The following TAF3 variants were observed in gnomAD, a reference collection of about 807,000 sequenced individuals.
The protein encoded by TAF3 is transcription initiation factor TFIID subunit 3.
In TAF3, 7 loss-of-function variants were observed where a neutral mutation model predicts 80.6. The observed-to-expected ratio is 0.09, with a 90% CI of 0.05 to 0.16. The LOEUF (loss-of-function observed/expected upper bound fraction) is 0.16, where lower values mean the gene tolerates loss of function less well. Among genes scored for constraint, TAF3 ranks in the 10% least tolerant of loss-of-function variants. TAF3 has a pLI of 1.00. For missense variants in TAF3, 921 were observed against 1,140.2 expected, an observed-to-expected ratio of 0.81 and a Z score of 2.77; for synonymous variants, 444 against 446.1, an observed-to-expected ratio of 1.00 and a Z score of 0.06.
chr10:7,919,593 C>G (rs989442543), intron 2 of TAF3, among the ~76,000 whole-genome samples: 1 of 152,080 alleles, frequency 6.6e-6, no homozygotes, highest in Non-Finnish European at 1.5e-5. Flanking sequence ...CAGGACCCCC[C>G]ATAGAGAATC....
chr10:7,952,353 A>C (rs761989646), intron 2 of TAF3, among the ~76,000 whole-genome samples: 1 of 152,228 alleles, frequency 6.6e-6, no homozygotes, highest in Non-Finnish European at 1.5e-5. Context: ...TAACGATAGC[A>C]ATTTATTGTA....
chr10:7,937,723 A>T (rs1462011809), intron 2 of TAF3, among the ~76,000 whole-genome samples: 1 of 152,250 alleles, frequency 6.6e-6, no homozygotes, highest in East Asian at 1.9e-4. Context: ...AGGGAATAGT[A>T]ATAGTCACAG....
chr10:7,920,581 C>T (rs1401976968), intron 2 of TAF3, among the ~76,000 whole-genome samples: 1 of 152,066 alleles, frequency 6.6e-6, no homozygotes, highest in Non-Finnish European at 1.5e-5. Context: ...CTGTATTATT[C>T]ACAGAAACAG....
intron 2 of TAF3, among the ~76,000 whole-genome samples, chr10:7,949,901 A>G (rs944599892): frequency 2.6e-5 from 4 of 152,206 alleles, no homozygotes; most frequent in African/African-American, 7.2e-5. Context: ...GCGCATCACC[A>G]CTGCCTGTCC....
chr10:8,004,454 A>ATTT (rs921072850), intron 4 of TAF3, among the ~76,000 whole-genome samples: 12 of 152,118 alleles, frequency 7.9e-5, no homozygotes, highest in Non-Finnish European at 1.6e-4. Context: ...AAATTTGAGA[A>ATTT]TTGTTGCTTT....
chr10:7,973,107 A>T (rs1334226876), intron 3 of TAF3, among the ~76,000 whole-genome samples: 1 of 152,230 alleles, frequency 6.6e-6, no homozygotes, highest in Non-Finnish European at 1.5e-5. Flanking sequence ...CTGAGCTCTT[A>T]CATGGGAATA....
chr10:7,929,641 C>T (rs1837849986), intron 2 of TAF3, among the ~76,000 whole-genome samples: 1 of 152,088 alleles, frequency 6.6e-6, no homozygotes, highest in African/African-American at 2.4e-5. Flanking sequence ...TGGGATTGCA[C>T]GTGTGAGCCA....
At chr10:7,985,780 CTTTT>C (rs71477297) in intron 4 of TAF3, among the ~76,000 whole-genome samples, 1 of 107,950 alleles carries the variant, frequency 9.3e-6, no homozygotes, top group Non-Finnish European at 1.9e-5. Context: ...TTCTCTCTCT[CTTTT>C]TTTTTTTTTT....
chr10:8,014,919 C>G lies in TAF3; in HGVS notation c.*168C>G. On this transcript the variant is annotated 3_prime_UTR_variant, in exon 7 of 7. Transcript: ENST00000344293. ...CACCGCGCACCTGGATTGTTCACTC[C>G]CGAGCCGCCTTGGCCTGTGGCTCCG... 1.4e-5 allele frequency: 8 copies of G among 568,472 alleles called. No homozygotes were observed. Among genetic ancestry groups the G allele is most frequent in the Non-Finnish European group, 2.4e-5 (8 of 328,492 alleles). The allele number at this position is 568,472 out of a possible 1,614,324, so 35.2% of individuals were successfully genotyped here.
chr10:7,910,322 A>G (rs1837645714), intron 2 of TAF3, among the ~76,000 whole-genome samples: 1 of 152,120 alleles, frequency 6.6e-6, no homozygotes, highest in African/African-American at 2.4e-5. Flanking sequence ...CTGCTACAAC[A>G]TACAAACATC....
intron 1 of TAF3, among the ~76,000 whole-genome samples, chr10:7,822,093 A>C (rs949438117): frequency 6.6e-6 from 1 of 152,152 alleles, no homozygotes; most frequent in African/African-American, 2.4e-5. Context: ...GCATACTCCT[A>C]AGTAGGGGAA....
At chr10:7,975,295 G>T (rs1253382763) in intron 3 of TAF3, among the ~76,000 whole-genome samples, 1 of 152,118 alleles carries the variant, frequency 6.6e-6, no homozygotes, top group African/African-American at 2.4e-5. Context: ...ATGTGTAGAA[G>T]GGGAAAGAAG....
intron 2 of TAF3, among the ~76,000 whole-genome samples, chr10:7,859,534 T>C (rs1837122662): frequency 6.6e-6 from 1 of 152,166 alleles, no homozygotes; most frequent in African/African-American, 2.4e-5. Context: ...CACTGGGCAC[T>C]GGCCGGGTTT....
intron 2 of TAF3, among the ~76,000 whole-genome samples, chr10:7,934,449 T>G (rs1437756367): frequency 6.6e-6 from 1 of 152,134 alleles, no homozygotes; most frequent in African/African-American, 2.4e-5. Context: ...ATTTATTTAT[T>G]TATTTATTTA....
intron 2 of TAF3, among the ~76,000 whole-genome samples, chr10:7,922,496 C>A (rs1837772693): frequency 1.3e-5 from 2 of 152,002 alleles, no homozygotes; most frequent in Non-Finnish European, 2.9e-5. Flanking sequence ...TTTTAAATCC[C>A]AAGACATTGC....
chr10:7,819,580 A>G (rs1244463), intron 1 of TAF3, among the ~76,000 whole-genome samples: 146,303 of 152,266 alleles, frequency 0.96, 70,562 homozygotes, highest in East Asian at 1. Context: ...AGTACTTATG[A>G]GTTTTAAATG....
chr10:7,979,048 TAAAAA>T (rs964576225), intron 4 of TAF3, among the ~76,000 whole-genome samples: 1 of 151,210 alleles, frequency 6.6e-6, no homozygotes, highest in Non-Finnish European at 1.5e-5. Flanking sequence ...TCTCTAAAAA[TAAAAA>T]ATAAAAGGCA....
chr10:7,971,782 C>T (rs1042747343), intron 3 of TAF3, among the ~76,000 whole-genome samples: 1 of 152,106 alleles, frequency 6.6e-6, no homozygotes, highest in Admixed American at 6.6e-5. Context: ...AGAGCTTTAT[C>T]AGTTGGTGCC....
intron 2 of TAF3, among the ~76,000 whole-genome samples, chr10:7,838,842 T>C (rs1452129395): frequency 6.6e-6 from 1 of 150,544 alleles, no homozygotes; most frequent in Non-Finnish European, 1.5e-5. Context: ...CTTGTTAGGC[T>C]GGAGTTCCAG....
Sources: gnomAD v4.1 joint callset for allele counts (sites outside exome capture counted in the v4.1 genomes callset) on GRCh38, gnomAD v4.1.1 for gene constraint, MANE v1.5 for transcripts, NCBI Gene and HGNC (gene_info 2026-07-23, HGNC 2026-07-21) for gene names.